Variants in ZBTB7C observed in about 807,000 individuals in gnomAD.
ZBTB7C encodes the protein zinc finger and BTB domain-containing protein 7C.
In ZBTB7C, 8 loss-of-function variants were observed where a neutral mutation model predicts 25.7. The observed-to-expected ratio is 0.31, with a 90% CI of 0.18 to 0.56. The LOEUF is 0.56. Ranked by LOEUF, ZBTB7C falls within the 20% of genes least tolerant of loss-of-function variation. The probability of loss-of-function intolerance (pLI) is 0.91; values close to 1 mark genes in which losing one functional copy is unlikely to be tolerated. For missense variants in ZBTB7C, 824 were observed against 855.2 expected, an observed-to-expected ratio of 0.96 and a Z score of 0.46; for synonymous variants, 394 against 369.0, an observed-to-expected ratio of 1.07 and a Z score of -0.78.
At chr18:48,341,303 C>T (rs1439566800) in intron 1 of ZBTB7C, among the ~76,000 whole-genome samples, 1 of 152,188 alleles carries the variant, frequency 6.6e-6, no homozygotes, top group Non-Finnish European at 1.5e-5. Context: ...GGTGGAACTG[C>T]CAGGGGCCTG....
intron 3 of ZBTB7C, among the ~76,000 whole-genome samples, chr18:48,154,798 C>T (rs923658348): frequency 1.3e-5 from 2 of 152,186 alleles, no homozygotes; most frequent in African/African-American, 4.8e-5. Flanking sequence ...CCTGCAAGTG[C>T]CCCTGGCTGG....
At chr18:48,272,205 T>C (rs1197745813) in intron 2 of ZBTB7C, among the ~76,000 whole-genome samples, 1 of 152,180 alleles carries the variant, frequency 6.6e-6, no homozygotes, top group African/African-American at 2.4e-5. Flanking sequence ...GTAAAGAAGA[T>C]CACCCTCTCT....
intron 3 of ZBTB7C, among the ~76,000 whole-genome samples, chr18:48,060,597 C>T (rs1009447781): frequency 7.9e-5 from 12 of 152,144 alleles, no homozygotes; most frequent in Non-Finnish European, 2.9e-5. Flanking sequence ...GCTAAAATGC[C>T]GTCCCCTCCC....
rs2035543507 is a variant in ZBTB7C at position 48,026,941 on chromosome 18, C to T, written c.*2319G>A. On this transcript the variant is annotated 3_prime_UTR_variant, in exon 5 of 5. Coordinates refer to ENST00000590800, the MANE Select transcript of ZBTB7C (RefSeq NM_001318841.2). Reference sequence around the variant, plus strand: ...GCCAGAAAATTAGCTGAGAGTTTTTCTCGGCGGGATGTGGCGTGCGACCGA... The same window carrying T: ...GCCAGAAAATTAGCTGAGAGTTTTTTTCGGCGGGATGTGGCGTGCGACCGA... 6.6e-6 allele frequency: 1 copy of T among 151,834 alleles called. No individual in the cohort carries two copies. The highest frequency in any genetic ancestry group is 1.5e-5 in the Non-Finnish European group (1 of 67,974). 9.4% of individuals were successfully genotyped at this position (151,834 alleles called of 1,614,324 possible).
At chr18:48,305,694 T>C (rs1199686248) in intron 2 of ZBTB7C, among the ~76,000 whole-genome samples, 1 of 151,742 alleles carries the variant, frequency 6.6e-6, no homozygotes, top group Non-Finnish European at 1.5e-5. Context: ...TTAGGGAGAG[T>C]GGATGAACAT....
At chr18:48,375,502 G>C (rs958863820) in intron 1 of ZBTB7C, 1 of 152,262 alleles carries the variant, frequency 6.6e-6, no homozygotes, top group Non-Finnish European at 1.5e-5. Context: ...CAAGCGAAGA[G>C]AGCCTTCGGA....
intron 3 of ZBTB7C, among the ~76,000 whole-genome samples, chr18:48,156,240 G>C (rs1054850461): frequency 6.6e-6 from 1 of 152,238 alleles, no homozygotes; most frequent in African/African-American, 2.4e-5. Flanking sequence ...TGAATGCCAA[G>C]AAGACCTGCC....
At chr18:48,207,259 C>G (rs2042596498) in intron 2 of ZBTB7C, among the ~76,000 whole-genome samples, 1 of 152,150 alleles carries the variant, frequency 6.6e-6, no homozygotes, top group Admixed American at 6.5e-5. Flanking sequence ...TAAGCAATAT[C>G]TCTTAGAGCT....
intron 3 of ZBTB7C, among the ~76,000 whole-genome samples, chr18:48,114,599 T>TA (rs112240375): frequency 2.2e-4 from 31 of 144,104 alleles, no homozygotes; most frequent in Middle Eastern, 3.5e-3. Flanking sequence ...AAACTCTGTC[T>TA]AAAAAAAAAA....
intron 3 of ZBTB7C, among the ~76,000 whole-genome samples, chr18:48,164,010 C>T (rs994898308): frequency 2.0e-5 from 3 of 152,184 alleles, no homozygotes; most frequent in African/African-American, 7.2e-5. Flanking sequence ...AGTCCAAGGA[C>T]AGTGGGCTCT....
rs2037899731 is a variant in ZBTB7C, at chr18:48,079,491, T to C, written c.-16-38368A>G. ...ATAAATGGGCCCAGGGTCCACCTCA[T>C]TGGAGGGGACAAACTCAACTGCAGT... On this transcript the variant is annotated intron_variant, in intron 3 of 4. Transcript: ENST00000590800. Among the ~76,000 whole-genome samples, 4 of 152,236 alleles carry C rather than the reference T, an allele frequency of 2.6e-5. No individual in the cohort carries two copies. The South Asian group carries it at 6.2e-4, about 24-fold the overall frequency.
chr18:48,186,456 T>C (rs945774524), intron 2 of ZBTB7C, among the ~76,000 whole-genome samples: 2 of 152,184 alleles, frequency 1.3e-5, no homozygotes, highest in African/African-American at 4.8e-5. Flanking sequence ...CAATGGTAAT[T>C]GCATTCATGG....
chr18:48,197,283 T>C (rs2042340412), intron 2 of ZBTB7C, among the ~76,000 whole-genome samples: 1 of 152,028 alleles, frequency 6.6e-6, no homozygotes, highest in Non-Finnish European at 1.5e-5. Flanking sequence ...ACTTTTCATT[T>C]ACCTAAGTCA....
At chr18:48,204,998 G>A (rs1049960531) in intron 2 of ZBTB7C, among the ~76,000 whole-genome samples, 2 of 152,144 alleles carry the variant, frequency 1.3e-5, no homozygotes, top group African/African-American at 4.8e-5. Context: ...CAGCTTGGGG[G>A]TGGAGTGGGG....
chr18:48,030,266 G>C (rs554730500), intron 4 of ZBTB7C, among the ~76,000 whole-genome samples: 20 of 152,322 alleles, frequency 1.3e-4, no homozygotes, highest in African/African-American at 4.8e-4. Flanking sequence ...TCCTCGGATA[G>C]TGCAGCGACT....
intron 1 of ZBTB7C, among the ~76,000 whole-genome samples, chr18:48,347,124 GTT>G (rs1158209713): frequency 1.4e-3 from 110 of 80,478 alleles, no homozygotes; most frequent in African/African-American, 4.6e-3. Context: ...GTTTTTGTTT[GTT>G]TTTTTTTTTT....
At chr18:48,211,663 C>A (rs2145249205) in intron 2 of ZBTB7C, among the ~76,000 whole-genome samples, 2 of 152,186 alleles carry the variant, frequency 1.3e-5, no homozygotes, top group East Asian at 1.9e-4. Context: ...TATTAGAATG[C>A]CCAAAATTCA....
intron 2 of ZBTB7C, among the ~76,000 whole-genome samples, chr18:48,321,807 C>G (rs2144857578): frequency 6.6e-6 from 1 of 152,312 alleles, no homozygotes; most frequent in East Asian, 1.9e-4. Flanking sequence ...CGATCCGCCC[C>G]AGCCGAGAGC....
chr18:48,242,951 TA>T (rs2043569828), intron 2 of ZBTB7C, among the ~76,000 whole-genome samples: 2 of 152,112 alleles, frequency 1.3e-5, no homozygotes, highest in South Asian at 4.1e-4. Context: ...TAGAAAACCC[TA>T]AAGACTTATC....
Sources: allele counts gnomAD v4.1 joint callset (sites outside exome capture counted in the v4.1 genomes callset), GRCh38; gene constraint gnomAD v4.1.1; transcripts MANE v1.5; gene names NCBI Gene and HGNC (gene_info 2026-07-23, HGNC 2026-07-21).